Variants in MOB1B observed in about 807,000 individuals in gnomAD.
The protein encoded by MOB1B is MOB1 Mps One Binder homolog B.
MOB1B carries 19 observed loss-of-function variants against 24.4 expected under a neutral mutation model. The observed-to-expected ratio is 0.78, with a 90% CI of 0.54 to 1.14. The LOEUF is 1.14. Among genes scored for constraint, MOB1B ranks in the 50% most tolerant of loss-of-function variants. The probability of loss-of-function intolerance (pLI) is 0.00; values close to 1 mark genes in which losing one functional copy is unlikely to be tolerated. For missense variants in MOB1B, 243 were observed against 259.6 expected (o/e 0.94, Z 0.44); for synonymous variants, 76 against 82.1 (o/e 0.93, Z 0.40).
At chr4:70,917,433 A>T (rs1382107559) in intron 1 of MOB1B, among the ~76,000 whole-genome samples, 1 of 152,202 alleles carries the variant, frequency 6.6e-6, no homozygotes, top group African/African-American at 2.4e-5. Flanking sequence ...CACATCAAGG[A>T]CGTCATCTTT....
chr4:70,985,645 T>A lies in MOB1B; in HGVS notation c.*3588T>A, dbSNP rs1017187107. On this transcript the variant is annotated 3_prime_UTR_variant, in exon 6 of 6. Coordinates refer to ENST00000309395, the MANE Select transcript of MOB1B (RefSeq NM_173468.4). ...TTCAAGCATTTCTCCTGCCTCAGCCTCCCAAGTAGCTGGGATTACAGGCAG... is the reference window on the plus strand; with the variant it reads ...TTCAAGCATTTCTCCTGCCTCAGCCACCCAAGTAGCTGGGATTACAGGCAG... 6.6e-6 allele frequency: 1 copy of A among 152,378 alleles called. No homozygotes were observed. Among genetic ancestry groups the A allele is most frequent in the Admixed American group, 6.6e-5 (1 of 15,266 alleles). 9.4% of individuals were successfully genotyped at this position (152,378 alleles called of 1,614,324 possible).
At chr4:70,923,372 G>A (rs78758994) in intron 1 of MOB1B, among the ~76,000 whole-genome samples, 2 of 152,154 alleles carry the variant, frequency 1.3e-5, no homozygotes, top group African/African-American at 2.4e-5. Flanking sequence ...GGTGGGCACC[G>A]GTGCCACATG....
chr4:70,970,029 G>T lies in MOB1B; in HGVS notation c.275+5G>T, dbSNP rs1222373168. 3 of 1,501,406 alleles carry T rather than the reference G, an allele frequency of 2.0e-6. No homozygotes were observed. 93.0% of individuals were successfully genotyped at this position (1,501,406 alleles called of 1,614,324 possible). ...AGTGATGTCAGCTGGCCCAAAGTAA[G>T]ACATAGTTAATGATCAGTTTCTTAT... is the stretch of plus-strand genomic sequence containing the variant. On this transcript the variant is annotated splice_donor_5th_base_variant and intron_variant, in intron 3 of 5. Transcript: ENST00000309395.
chr4:70,908,969 T>G (rs1735870154), intron 1 of MOB1B, among the ~76,000 whole-genome samples: 5 of 151,330 alleles, frequency 3.3e-5, no homozygotes, highest in Admixed American at 3.3e-4. Flanking sequence ...GAAAATTGTT[T>G]GAACCTGGGA....
chr4:70,911,529 A>G (rs1422381378), intron 1 of MOB1B, among the ~76,000 whole-genome samples: 1 of 152,114 alleles, frequency 6.6e-6, no homozygotes, highest in African/African-American at 2.4e-5. Context: ...TGGGAATTGC[A>G]GGACTGACTG....
At chr4:70,976,306 G>A in intron 4 of MOB1B, 1 of 985,068 alleles carries the variant, frequency 1.0e-6, no homozygotes, top group Middle Eastern at 5.2e-4. Flanking sequence ...ATTTAGGGAA[G>A]TTCATATGGC....
At chr4:70,973,020 G>A (rs965429932) in intron 3 of MOB1B, among the ~76,000 whole-genome samples, 21 of 151,776 alleles carry the variant, frequency 1.4e-4, no homozygotes, top group African/African-American at 4.1e-4. Context: ...TGATCCGCCC[G>A]CCTCGGCCTC....
At chr4:70,914,173 A>G (rs1736108230) in intron 1 of MOB1B, among the ~76,000 whole-genome samples, 2 of 152,230 alleles carry the variant, frequency 1.3e-5, no homozygotes, top group African/African-American at 2.4e-5. Context: ...TTCACCAGAC[A>G]TCAAATCTGC....
intron 1 of MOB1B, among the ~76,000 whole-genome samples, chr4:70,912,280 TA>T (rs1282145598): frequency 1.6e-4 from 9 of 55,960 alleles, no homozygotes; most frequent in South Asian, 1.9e-3. Context: ...ATTTTTAAAT[TA>T]AATTTTTTTT....
At chr4:70,949,739 A>G (rs1737724920) in intron 1 of MOB1B, among the ~76,000 whole-genome samples, 2 of 152,006 alleles carry the variant, frequency 1.3e-5, no homozygotes, top group Non-Finnish European at 2.9e-5. Flanking sequence ...AAATACAACA[A>G]CAAAATAATT....
chr4:70,949,798 G>A (rs1205088779), intron 1 of MOB1B, among the ~76,000 whole-genome samples: 2 of 151,936 alleles, frequency 1.3e-5, no homozygotes, highest in African/African-American at 2.4e-5. Flanking sequence ...TTGGGAGGCC[G>A]AGGTGGAAGG....
chr4:70,924,462 G>A (rs1447313297), intron 1 of MOB1B, among the ~76,000 whole-genome samples: 1 of 152,072 alleles, frequency 6.6e-6, no homozygotes, highest in Admixed American at 6.6e-5. Context: ...TTGGAAAATA[G>A]CAAGCCATCA....
At chr4:70,953,715 G>A (rs536182809) in intron 1 of MOB1B, among the ~76,000 whole-genome samples, 17 of 152,164 alleles carry the variant, frequency 1.1e-4, no homozygotes, top group Non-Finnish European at 2.4e-4. Flanking sequence ...AGGCTAAAGC[G>A]GGCGGATCAC....
At chr4:70,944,777 AAG>A (rs1737505049) in intron 1 of MOB1B, among the ~76,000 whole-genome samples, 1 of 151,992 alleles carries the variant, frequency 6.6e-6, no homozygotes, top group Non-Finnish European at 1.5e-5. Context: ...GAGAGAGAGA[AAG>A]GGGGAGAGTA....
chr4:70,910,357 A>C (rs1360972351), intron 1 of MOB1B, among the ~76,000 whole-genome samples: 1 of 152,002 alleles, frequency 6.6e-6, no homozygotes, highest in Admixed American at 6.6e-5. Flanking sequence ...GCCTTATACT[A>C]TCATCTATAA....
intron 1 of MOB1B, among the ~76,000 whole-genome samples, chr4:70,950,382 C>T (rs545827013): frequency 3.5e-5 from 5 of 143,446 alleles, no homozygotes; most frequent in Admixed American, 7.3e-5. Flanking sequence ...GAGCCAAGAT[C>T]GGGTCACAGC....
At chr4:70,924,412 C>T (rs1736569280) in intron 1 of MOB1B, among the ~76,000 whole-genome samples, 1 of 152,156 alleles carries the variant, frequency 6.6e-6, no homozygotes, top group African/African-American at 2.4e-5. Context: ...CCCAAAGTGG[C>T]TTAGACTCTT....
intron 1 of MOB1B, among the ~76,000 whole-genome samples, chr4:70,957,116 T>G (rs1738092372): frequency 6.6e-6 from 1 of 150,612 alleles, no homozygotes. Context: ...TTTTTTTTTT[T>G]GGAATTCCAC....
chr4:70,936,258 T>A (rs559908213), intron 1 of MOB1B, among the ~76,000 whole-genome samples: 18 of 152,254 alleles, frequency 1.2e-4, no homozygotes, highest in African/African-American at 3.8e-4. Context: ...CCTCCCAAAG[T>A]GCTGGGATTG....
Sources: allele counts gnomAD v4.1 joint callset (sites outside exome capture counted in the v4.1 genomes callset), GRCh38; gene constraint gnomAD v4.1.1; transcripts MANE v1.5; gene names NCBI Gene and HGNC (gene_info 2026-07-23, HGNC 2026-07-21).